VPS13B: variants seen among roughly 807,000 people sequenced by gnomAD.
VPS13B encodes the protein vacuolar protein sorting 13 homolog B.
In VPS13B, 285 loss-of-function variants were observed where a neutral mutation model predicts 426.4. That is an observed-to-expected ratio of 0.67 (90% CI 0.61 to 0.74). VPS13B has a LOEUF of 0.74. Among genes scored for constraint, VPS13B ranks in the 30% least tolerant of loss-of-function variants. The pLI is 0.00. For missense variants in VPS13B, 4,537 were observed against 4,782.6 expected (o/e 0.95, Z 1.51); for synonymous variants, 1,676 against 1,676.4 (o/e 1.00, Z 0.01).
intron 19 of VPS13B, among the ~76,000 whole-genome samples, chr8:99,337,193 A>G (rs1810946333): frequency 6.6e-6 from 1 of 152,130 alleles, no homozygotes; most frequent in African/African-American, 2.4e-5. Flanking sequence ...ATAAAAAATG[A>G]TGATTTCATG....
chr8:99,255,753 A>G (rs1211826034), intron 17 of VPS13B, among the ~76,000 whole-genome samples: 1 of 152,024 alleles, frequency 6.6e-6, no homozygotes, highest in Admixed American at 6.5e-5. Flanking sequence ...CCCTGATGTC[A>G]TGGTGGTGCT....
At chr8:99,420,590 T>C (rs538112235) in intron 21 of VPS13B, among the ~76,000 whole-genome samples, 1 of 152,286 alleles carries the variant, frequency 6.6e-6, no homozygotes, top group Non-Finnish European at 1.5e-5. Flanking sequence ...TTATTTCTCA[T>C]TGGAAGAATA....
intron 4 of VPS13B, among the ~76,000 whole-genome samples, chr8:99,099,906 T>G (rs996203863): frequency 3.3e-5 from 5 of 152,288 alleles, no homozygotes; most frequent in African/African-American, 1.2e-4. Flanking sequence ...GCAGGCTGTT[T>G]TAGAGCCATC....
At chr8:99,576,150 TAGA>T (rs1173730883) in intron 32 of VPS13B, among the ~76,000 whole-genome samples, 1 of 152,102 alleles carries the variant, frequency 6.6e-6, no homozygotes, top group Non-Finnish European at 1.5e-5. Flanking sequence ...AACTGATCAA[TAGA>T]AGAAATAATT....
At chr8:99,267,390 C>A (rs546089025) in intron 17 of VPS13B, among the ~76,000 whole-genome samples, 1 of 151,986 alleles carries the variant, frequency 6.6e-6, no homozygotes, top group Non-Finnish European at 1.5e-5. Context: ...CAAGAGTAGG[C>A]AGAACATAAA....
At chr8:99,574,805 G>A (rs1480421362) in intron 31 of VPS13B, among the ~76,000 whole-genome samples, 1 of 151,974 alleles carries the variant, frequency 6.6e-6, no homozygotes, top group Non-Finnish European at 1.5e-5. Flanking sequence ...GATAATAATG[G>A]GGCTATTAAC....
At chr8:99,739,912 C>T (rs1433485371) in intron 39 of VPS13B, among the ~76,000 whole-genome samples, 1 of 152,176 alleles carries the variant, frequency 6.6e-6, no homozygotes, top group African/African-American at 2.4e-5. Flanking sequence ...AAAATCGGAG[C>T]ACCACTCCTC....
At chr8:99,128,648 G>C (rs1429196346) in intron 8 of VPS13B, among the ~76,000 whole-genome samples, 1 of 149,894 alleles carries the variant, frequency 6.7e-6, no homozygotes, top group African/African-American at 2.4e-5. Flanking sequence ...TTGTAAAGGA[G>C]ATAAACCCAT....
At chr8:99,623,094 A>G (rs1178480621) in intron 33 of VPS13B, among the ~76,000 whole-genome samples, 2 of 152,170 alleles carry the variant, frequency 1.3e-5, no homozygotes, top group Non-Finnish European at 2.9e-5. Context: ...AGTGTTGACA[A>G]TGATGGCTTT....
chr8:99,213,160 T>C (rs1815194075), intron 17 of VPS13B, among the ~76,000 whole-genome samples: 1 of 152,194 alleles, frequency 6.6e-6, no homozygotes, highest in Admixed American at 6.5e-5. Context: ...GTGTTTTTTG[T>C]ACACATCACT....
chr8:99,815,172 G>T (rs1431188116), intron 44 of VPS13B, among the ~76,000 whole-genome samples: 1 of 149,010 alleles, frequency 6.7e-6, no homozygotes, highest in Non-Finnish European at 1.5e-5. Flanking sequence ...ATTGACTCGT[G>T]ATTATGAAAC....
chr8:99,706,148 C>T (rs1036316842), intron 36 of VPS13B, among the ~76,000 whole-genome samples: 5 of 151,962 alleles, frequency 3.3e-5, no homozygotes, highest in Non-Finnish European at 7.4e-5. Flanking sequence ...TTGCTGTACC[C>T]CCACTTATAA....
At chr8:99,149,638 T>G (rs1396182113) in intron 14 of VPS13B, among the ~76,000 whole-genome samples, 3 of 145,594 alleles carry the variant, frequency 2.1e-5, no homozygotes, top group African/African-American at 7.8e-5. Flanking sequence ...TTTTTTTTTT[T>G]GATATATTTC....
rs1371941688 is a variant in VPS13B at position 99,410,400 on chromosome 8, A to G, written c.3082+18696A>G. ...ACTTTGTGAATCTGTGCCTTTGTGCATCTTCTTTCTGTCTGCTAGTCCTTC... is the reference window on the plus strand; with the variant it reads ...ACTTTGTGAATCTGTGCCTTTGTGCGTCTTCTTTCTGTCTGCTAGTCCTTC... On this transcript the variant is annotated intron_variant, in intron 21 of 61. Transcript: ENST00000357162. Among the ~76,000 whole-genome samples, 3 of 152,158 alleles carry G rather than the reference A, an allele frequency of 2.0e-5. No homozygotes were observed. In the East Asian group the frequency reaches 5.8e-4, roughly 29 times the overall value.
At position 99,418,503 on chromosome 8, in the gene VPS13B, CTTT is replaced by C. The variant is rs1816179501; in HGVS notation, c.3083-13033_3083-13031del. Among the ~76,000 whole-genome samples the C allele has an allele frequency of 4.6e-5, 6 of 130,662 alleles. No individual in the cohort carries two copies. The East Asian group carries it at 6.6e-4, about 14-fold the overall frequency. The allele number at this position is 130,662 out of a possible 152,430, so 85.7% of individuals were successfully genotyped here. A position where few individuals can be genotyped will look rare whatever the true frequency, so the allele number is the denominator to read the frequency against. Reference sequence around the variant, plus strand: ...TCTTTCTTTCTTTCTTTCTTTCTTTCTTTCTTTCTTTCCTTTCTTTCTTTCTCT... The same window carrying C: ...TCTTTCTTTCTTTCTTTCTTTCTTTCCTTTCTTTCCTTTCTTTCTTTCTCT... On this transcript the variant is annotated intron_variant, in intron 21 of 61. Transcript: ENST00000357162.
intron 19 of VPS13B, among the ~76,000 whole-genome samples, chr8:99,336,257 A>G (rs1470804110): frequency 6.6e-6 from 1 of 152,188 alleles, no homozygotes; most frequent in Non-Finnish European, 1.5e-5. Context: ...AAAACAAGCA[A>G]TGGGGAAAGG....
At chr8:99,376,807 G>A (rs984464326) in intron 19 of VPS13B, among the ~76,000 whole-genome samples, 1 of 151,846 alleles carries the variant, frequency 6.6e-6, no homozygotes. Context: ...ACTAGGTTTT[G>A]AAATTTTTTC....
intron 21 of VPS13B, among the ~76,000 whole-genome samples, chr8:99,424,871 T>C (rs535147825): frequency 2.0e-5 from 3 of 152,110 alleles, no homozygotes; most frequent in African/African-American, 7.2e-5. Flanking sequence ...CAATAAAAAA[T>C]GACAAAGGGG....
At chr8:99,751,066 C>T (rs1178720844) in intron 39 of VPS13B, among the ~76,000 whole-genome samples, 2 of 152,174 alleles carry the variant, frequency 1.3e-5, no homozygotes, top group South Asian at 4.1e-4. Context: ...AGATTTATTC[C>T]CCTAGGACAT....
Sources: gnomAD v4.1 joint callset for allele counts (sites outside exome capture counted in the v4.1 genomes callset) on GRCh38, gnomAD v4.1.1 for gene constraint, MANE v1.5 for transcripts, NCBI Gene and HGNC (gene_info 2026-07-23, HGNC 2026-07-21) for gene names.